The following ATP13A4 variants were observed in gnomAD, a reference collection of about 807,000 sequenced individuals.
The protein encoded by ATP13A4 is probable cation-transporting ATPase 13A4.
Under a neutral mutation model 142.5 loss-of-function variants are expected in ATP13A4, and 114 were observed. The observed-to-expected ratio is 0.80, with a 90% CI of 0.69 to 0.93. The LOEUF is 0.93. Among genes scored for constraint, ATP13A4 ranks in the 40% least tolerant of loss-of-function variants. The pLI is 0.00. For missense variants in ATP13A4, 1,392 were observed against 1,454.0 expected, an observed-to-expected ratio of 0.96 and a Z score of 0.69; for synonymous variants, 488 against 514.8, an observed-to-expected ratio of 0.95 and a Z score of 0.70.
intron 29 of ATP13A4, among the ~76,000 whole-genome samples, chr3:193,405,487 C>A (rs1714449323): frequency 1.3e-5 from 2 of 152,266 alleles, no homozygotes; most frequent in Admixed American, 1.3e-4. Context: ...TGGAAATAGG[C>A]TTGCTGTGGC....
chr3:193,547,911 T>C (rs1323022527), intron 1 of ATP13A4, among the ~76,000 whole-genome samples: 4 of 152,240 alleles, frequency 2.6e-5, no homozygotes, highest in Non-Finnish European at 1.5e-5. Context: ...CACTCGATTG[T>C]GAGCTGCTTG....
chr3:193,462,518 G>C (rs1311420342), intron 13 of ATP13A4, among the ~76,000 whole-genome samples: 1 of 152,180 alleles, frequency 6.6e-6, no homozygotes, highest in East Asian at 1.9e-4. Flanking sequence ...TTTGAATGCA[G>C]TGTCAAAGCT....
At position 193,416,506 on chromosome 3, in the gene ATP13A4, A is replaced by AG. The variant is rs371443121; in HGVS notation, c.2843-1757dup. Among the ~76,000 whole-genome samples, 14 of 152,280 alleles carry AG rather than the reference A, an allele frequency of 9.2e-5. 1 individual carries two copies. Among genetic ancestry groups the AG allele is most frequent in the African/African-American group, 3.4e-4 (14 of 41,568 alleles). ...TAAAAAGATAAAAATTATAAAAAGG[A>AG]GTCAAAAGAAATTCTGAAGCTGAAA... is the stretch of plus-strand genomic sequence containing the variant. On this transcript the variant is annotated intron_variant, in intron 25 of 29. Transcript: ENST00000342695.
At chr3:193,569,281 C>T (rs1314411772) in intron 2 of ATP13A4, among the ~76,000 whole-genome samples, 2 of 152,124 alleles carry the variant, frequency 1.3e-5, no homozygotes, top group African/African-American at 2.4e-5. Context: ...GGACGTGGTA[C>T]AAAATACCAG....
At chr3:193,422,346 T>C (rs560012943) in intron 25 of ATP13A4, among the ~76,000 whole-genome samples, 1 of 149,710 alleles carries the variant, frequency 6.7e-6, no homozygotes, top group Non-Finnish European at 1.5e-5. Context: ...CAAGAAAATA[T>C]GGGAACTGAA....
Position 193,587,298 on chromosome 3 carries a change from T to G in ATP13A4, n.92-5392A>C, listed in dbSNP as rs188408057. On this transcript the variant is annotated intron_variant and non_coding_transcript_variant, in intron 1 of 3. Coordinates refer to the ATP13A4 transcript ENST00000489140. ...CCTGCTGGAGGCTCTAAAGGAGAAG[T>G]CCTTGTTTGCTTATTCCATCTTCTG... 8.1e-4 allele frequency among the ~76,000 whole-genome samples: 124 copies of G among 152,318 alleles called. 1 individual carries two copies. Among genetic ancestry groups the G allele is most frequent in the African/African-American group, 2.6e-3 (108 of 41,578 alleles).
chr3:193,583,856 C>A (rs1392255983), intron 1 of ATP13A4, among the ~76,000 whole-genome samples: 1 of 152,074 alleles, frequency 6.6e-6, no homozygotes, highest in African/African-American at 2.4e-5. Context: ...TTGTGACATG[C>A]AGTAGATTGC....
chr3:193,501,201 T>C (rs1720521720), intron 3 of ATP13A4, among the ~76,000 whole-genome samples: 1 of 152,222 alleles, frequency 6.6e-6, no homozygotes, highest in South Asian at 2.1e-4. Context: ...CTGGGAAGCT[T>C]ATTTCTCCAG....
chr3:193,436,965 G>A lies in ATP13A4; in HGVS notation c.2673-1221C>T, dbSNP rs374059848. On this transcript the variant is annotated intron_variant, in intron 23 of 29. Coordinates refer to ENST00000342695, the MANE Select transcript of ATP13A4 (RefSeq NM_032279.4). ...TAAAAATGCAAAAAATTAGCCGGGC[G>A]TGGTGGCGGGCGCCTGTAGTCCCAG... 4.0e-4 allele frequency among the ~76,000 whole-genome samples: 60 copies of A among 148,714 alleles called. 5 individuals carry two copies. Among genetic ancestry groups the A allele is most frequent in the African/African-American group, 1.4e-3 (55 of 38,644 alleles).
chr3:193,467,332 G>A lies in ATP13A4; in HGVS notation c.1098C>T (p.Ala366=), dbSNP rs367828072. Residue 366 remains alanine (A), a synonymous_variant, in exon 10 of 30, where the codon GCC becomes GCT. Coordinates refer to ENST00000342695, the MANE Select transcript of ATP13A4 (RefSeq NM_032279.4). The part of the protein sequence containing the change: ...AKAACSGTVR[A]VVLQTGFNTA... ...GATGCTAACCAGTCTGCAGTACCAC[G>A]GCTCTCACGGTCCCAGAGCAAGCTG... is the stretch of plus-strand genomic sequence containing the variant. 51 of 1,614,018 alleles carry A rather than the reference G, an allele frequency of 3.2e-5. No homozygotes were observed. In the Admixed American group the frequency reaches 5.7e-4, roughly 18 times the overall value.
In ATP13A4 at chr3:193,448,280, T is replaced by C; in HGVS notation, c.2078A>G (p.Asn693Ser). 1.2e-6 allele frequency: 2 copies of C among 1,614,172 alleles called. No individual in the cohort carries two copies. Among genetic ancestry groups the C allele is most frequent in the South Asian group, 2.2e-5 (2 of 91,086 alleles). The change falls in exon 18 of 30, where the codon AAT (asparagine) becomes AGT (serine). Residue 693 changes from asparagine to serine, a missense_variant. Coordinates refer to ENST00000342695, the MANE Select transcript of ATP13A4 (RefSeq NM_032279.4). ...LIFLGLLILE[N>S]RLKEETKPVL... ...AGGTTTTGTCTCTTCCTTCAATCGA[T>C]TCTCCAAGATCAGCAGCCCCAGAAA...
At chr3:193,583,582 T>C (rs1724613672) in intron 1 of ATP13A4, among the ~76,000 whole-genome samples, 1 of 152,106 alleles carries the variant, frequency 6.6e-6, no homozygotes, top group African/African-American at 2.4e-5. Context: ...GTATTTACTA[T>C]GCATGTAATC....
intron 8 of ATP13A4, 91 bp downstream of exon 8, chr3:193,483,845 A>C: frequency 9.3e-7 from 1 of 1,080,014 alleles, no homozygotes; most frequent in South Asian, 1.3e-5. Context: ...GAATATGAAG[A>C]TGGGAATAAC....
intron 26 of ATP13A4, 109 bp from the exon 27 acceptor site, chr3:193,412,480 C>A: frequency 1.1e-5 from 9 of 799,236 alleles, no homozygotes; most frequent in Non-Finnish European, 1.5e-5. Context: ...GCACTCAATG[C>A]TTCTACAATT....
intron 2 of ATP13A4, among the ~76,000 whole-genome samples, chr3:193,573,306 T>TATATATATATACACATATATATATATAC (rs1724324702): frequency 7.6e-6 from 1 of 132,044 alleles, no homozygotes; most frequent in Non-Finnish European, 1.6e-5. Context: ...TATATATATA[T>TATATATATATACACATATATATATATAC]ACATATATAT....
chr3:193,531,526 C>T (rs781706828), intron 1 of ATP13A4, among the ~76,000 whole-genome samples: 13 of 152,286 alleles, frequency 8.5e-5, no homozygotes, highest in African/African-American at 2.2e-4. Flanking sequence ...ATTAAATATA[C>T]GCTTCTCTCA....
chr3:193,402,935 A>T lies in ATP13A4; in HGVS notation c.3379-71T>A, dbSNP rs182949706. On this transcript the variant is annotated intron_variant, in intron 29 of 29. Transcript: ENST00000342695. ...TTGAGGCTACAGCCCTCCACAGGCC[A>T]TCATAAGTCACTACTGCAATGGTTG... 177 of 1,364,088 alleles carry T rather than the reference A, an allele frequency of 1.3e-4. 2 individuals are homozygous for T. In the East Asian group the frequency reaches 3.9e-3, roughly 30 times the overall value. 84.5% of individuals were successfully genotyped at this position (1,364,088 alleles called of 1,614,324 possible). A position where few individuals can be genotyped will look rare whatever the true frequency, so the allele number is the denominator to read the frequency against.
At chr3:193,496,160 C>T (rs1390708066) in intron 3 of ATP13A4, among the ~76,000 whole-genome samples, 1 of 152,088 alleles carries the variant, frequency 6.6e-6, no homozygotes, top group African/African-American at 2.4e-5. Context: ...AAGCAATGTA[C>T]AGATTCAATT....
intron 28 of ATP13A4, among the ~76,000 whole-genome samples, chr3:193,407,936 G>C (rs1017587988): frequency 6.6e-6 from 1 of 152,232 alleles, no homozygotes; most frequent in African/African-American, 2.4e-5. Context: ...TGTGCATCCA[G>C]CTGCACAGTG....
Sources: allele counts gnomAD v4.1 joint callset (sites outside exome capture counted in the v4.1 genomes callset), GRCh38; gene constraint gnomAD v4.1.1; transcripts MANE v1.5; gene names NCBI Gene and HGNC (gene_info 2026-07-23, HGNC 2026-07-21).